PSD3: variants seen among roughly 807,000 people sequenced by gnomAD.
PSD3 encodes PH and SEC7 domain-containing protein 3.
Under a neutral mutation model 105.5 loss-of-function variants are expected in PSD3, and 49 were observed. The observed-to-expected ratio is 0.46, with a 90% CI of 0.37 to 0.59. The LOEUF (loss-of-function observed/expected upper bound fraction) is 0.59. Among genes scored for constraint, PSD3 ranks in the 20% least tolerant of loss-of-function variants. The probability of loss-of-function intolerance (pLI) is 0.00; values close to 1 mark genes in which losing one functional copy is unlikely to be tolerated. For synonymous variants in PSD3, 557 were observed against 457.8 expected (o/e 1.22, Z -2.77); for missense variants, 1,561 against 1,263.8 (o/e 1.24, Z -3.57).
At chr8:18,879,253 G>A (rs779570986) in intron 2 of PSD3, among the ~76,000 whole-genome samples, 3 of 152,132 alleles carry the variant, frequency 2.0e-5, no homozygotes, top group African/African-American at 4.8e-5. Context: ...TGTGATGTCT[G>A]ATATAACAAC....
rs186797208 is a variant in PSD3 at position 18,885,597 on chromosome 8, G to T, written c.131-12864C>A. On this transcript the variant is annotated intron_variant, in intron 2 of 15. Coordinates refer to ENST00000327040, the MANE Select transcript of PSD3 (RefSeq NM_015310.4). ...AGATGTTAGGTGCAGTGGTAAACAC[G>T]CCACCTCACTCAGCCTCCAGTGTGT... Among the ~76,000 whole-genome samples, 16 of 152,192 alleles carry T rather than the reference G, an allele frequency of 1.1e-4. No homozygotes were observed. The East Asian group carries it at 3.1e-3, about 29-fold the overall frequency.
chr8:18,613,035 C>T (rs1181122431), intron 11 of PSD3, among the ~76,000 whole-genome samples: 4 of 152,006 alleles, frequency 2.6e-5, no homozygotes, highest in Non-Finnish European at 5.9e-5. Flanking sequence ...CAAGAGCATG[C>T]ATCATTAGCT....
chr8:18,868,096 T>G, intron 3 of PSD3, 27 bp from the exon 4 acceptor site: 1 of 1,556,988 alleles, frequency 6.4e-7, no homozygotes, highest in Non-Finnish European at 8.7e-7. Flanking sequence ...AGTGAAGAAT[T>G]CCAATATTAG....
At chr8:19,031,962 C>T (rs1474682101) in intron 1 of PSD3, among the ~76,000 whole-genome samples, 1 of 152,132 alleles carries the variant, frequency 6.6e-6, no homozygotes, top group Non-Finnish European at 1.5e-5. Flanking sequence ...TAATTAGACG[C>T]ATCCCACAAT....
chr8:18,764,760 C>A (rs936087344), intron 9 of PSD3, among the ~76,000 whole-genome samples: 1 of 152,102 alleles, frequency 6.6e-6, no homozygotes, highest in African/African-American at 2.4e-5. Context: ...AGGCTAGAAT[C>A]AAAAAGACAA....
intron 12 of PSD3, among the ~76,000 whole-genome samples, chr8:18,599,062 A>G (rs996407949): frequency 1.3e-5 from 2 of 152,170 alleles, no homozygotes; most frequent in African/African-American, 2.4e-5. Flanking sequence ...CAAAATTTAT[A>G]TGTAATCATA....
At chr8:18,979,556 T>C (rs1402388435) in intron 1 of PSD3, 4 of 152,244 alleles carry the variant, frequency 2.6e-5, no homozygotes, top group South Asian at 2.1e-4. Flanking sequence ...TTACAGCTTA[T>C]ACATGAGTGA....
Position 18,628,310 on chromosome 8 carries a change from T to C in PSD3, c.2410+4303A>G, listed in dbSNP as rs151208563. On this transcript the variant is annotated intron_variant, in intron 11 of 15. Transcript: ENST00000327040. ...TAATAAAATTGATGAAAACCAGAGA[T>C]AGAAAAATCTTGAAAGCATTCATAG... 6.5e-3 allele frequency among the ~76,000 whole-genome samples: 982 copies of C among 151,994 alleles called. 9 individuals carry two copies. The highest frequency in any genetic ancestry group is 0.022 in the African/African-American group (925 of 41,516).
chr8:18,986,233 T>C (rs761675154), intron 1 of PSD3, among the ~76,000 whole-genome samples: 18 of 152,198 alleles, frequency 1.2e-4, no homozygotes, highest in Non-Finnish European at 1.8e-4. Flanking sequence ...TGAATAGATA[T>C]AAATGACTGT....
chr8:18,712,928 T>C (rs1244367291), intron 9 of PSD3, among the ~76,000 whole-genome samples: 1 of 152,156 alleles, frequency 6.6e-6, no homozygotes, highest in Admixed American at 6.5e-5. Flanking sequence ...TTGAAAAACT[T>C]ATCCACCATG....
At chr8:18,907,932 G>A (rs956284728) in intron 2 of PSD3, among the ~76,000 whole-genome samples, 9 of 151,920 alleles carry the variant, frequency 5.9e-5, no homozygotes, top group Admixed American at 1.3e-4. Flanking sequence ...TTTTGCACTC[G>A]GCACACAAGA....
chr8:18,974,292 A>C (rs1037173594), intron 1 of PSD3, among the ~76,000 whole-genome samples: 1 of 152,174 alleles, frequency 6.6e-6, no homozygotes, highest in African/African-American at 2.4e-5. Context: ...CAGGATTCAA[A>C]CCAACCTCTG....
At chr8:18,804,953 G>C (rs1181094049) in intron 4 of PSD3, 55 bp from the exon 5 acceptor site, 1 of 1,336,148 alleles carries the variant, frequency 7.5e-7, no homozygotes. Context: ...TGGCAAAAAG[G>C]AAAATATCTG....
chr8:18,676,791 C>T lies in PSD3; in HGVS notation c.2173-21106G>A, dbSNP rs73666689. ...TAAAAAAACACCTACCAGCTTCCCC[C>T]TGCTGCTTCCTGCAGAGCCAGTCAG... On this transcript the variant is annotated intron_variant, in intron 9 of 15. Transcript: ENST00000327040. 2.7e-3 allele frequency among the ~76,000 whole-genome samples: 412 copies of T among 152,358 alleles called. 2 individuals carry two copies. The highest frequency in any genetic ancestry group is 9.3e-3 in the African/African-American group (386 of 41,590).
chr8:18,663,804 G>A (rs978871013), intron 9 of PSD3, among the ~76,000 whole-genome samples: 3 of 152,212 alleles, frequency 2.0e-5, no homozygotes, highest in African/African-American at 7.2e-5. Flanking sequence ...TCACGTATAC[G>A]ATAATGCTTT....
chr8:18,697,974 C>G (rs79009348), intron 9 of PSD3, among the ~76,000 whole-genome samples: 5,799 of 152,256 alleles, frequency 0.038, 531 homozygotes, highest in East Asian at 0.21. Flanking sequence ...ACTCTCAGAT[C>G]ACAAGATTTT....
intron 10 of PSD3, among the ~76,000 whole-genome samples, chr8:18,644,146 G>C (rs1054855850): frequency 6.6e-5 from 10 of 152,218 alleles, no homozygotes; most frequent in African/African-American, 2.4e-4. Context: ...TTGATCTCTT[G>C]TATCCATAAC....
intron 9 of PSD3, among the ~76,000 whole-genome samples, chr8:18,664,231 G>C (rs1585546845): frequency 6.6e-6 from 1 of 152,168 alleles, no homozygotes; most frequent in Admixed American, 6.5e-5. Context: ...CTGAAGGTGA[G>C]GTTTCTTGCA....
chr8:18,583,091 G>T (rs555587714), intron 12 of PSD3, among the ~76,000 whole-genome samples: 1 of 152,230 alleles, frequency 6.6e-6, no homozygotes, highest in East Asian at 2.0e-4. Context: ...CTCCCAAAGT[G>T]TTGGGATTAC....
Sources: gnomAD v4.1 joint callset for allele counts (sites outside exome capture counted in the v4.1 genomes callset) on GRCh38, gnomAD v4.1.1 for gene constraint, MANE v1.5 for transcripts, NCBI Gene and HGNC (gene_info 2026-07-23, HGNC 2026-07-21) for gene names.